MRPL42: variants seen among roughly 807,000 people sequenced by gnomAD.
MRPL42 encodes the protein large ribosomal subunit protein mL42.
MRPL42 carries 17 observed loss-of-function variants against 17.9 expected under a neutral mutation model. The observed-to-expected ratio is 0.95, with a 90% CI of 0.65 to 1.42. MRPL42 has a LOEUF of 1.42. Among genes scored for constraint, MRPL42 ranks in the 40% most tolerant of loss-of-function variants. The probability of loss-of-function intolerance (pLI) is 0.00; values close to 1 mark genes in which losing one functional copy is unlikely to be tolerated. For missense variants in MRPL42, 177 were observed against 175.2 expected (o/e 1.01, Z -0.06); for synonymous variants, 59 against 54.4 (o/e 1.08, Z -0.37).
chr12:93,500,818 A>G (rs796874815), intron 5 of MRPL42: 2 of 163,104 alleles, frequency 1.2e-5, no homozygotes, highest in African/African-American at 2.4e-5. Context: ...CAACTTAGCC[A>G]CGTGTGGTGG....
intron 2 of MRPL42, among the ~76,000 whole-genome samples, chr12:93,475,325 AG>A (rs758270680): frequency 3.9e-5 from 6 of 151,936 alleles, no homozygotes; most frequent in Non-Finnish European, 5.9e-5. Context: ...CATGTTGGCC[AG>A]GCTGGTCTTG....
intron 5 of MRPL42, among the ~76,000 whole-genome samples, chr12:93,499,634 C>T (rs1002329974): frequency 2.0e-5 from 3 of 152,086 alleles, no homozygotes; most frequent in South Asian, 4.1e-4. Flanking sequence ...TTTCTGTATG[C>T]CAACATAAGT....
Position 93,501,362 on chromosome 12 carries a change from A to G in MRPL42, c.*141A>G. On this transcript the variant is annotated 3_prime_UTR_variant, in exon 6 of 6. Coordinates refer to ENST00000549982, the MANE Select transcript of MRPL42 (RefSeq NM_014050.4). ...TATATTAGAATGTGTACTTTTATAT[A>G]AAGTAATTCTGGATTTGACATTCTC... 2.0e-6 allele frequency: 1 copy of G among 489,618 alleles called. No individual in the cohort carries two copies. The highest frequency in any genetic ancestry group is 3.4e-6 in the Non-Finnish European group (1 of 293,644). The allele number at this position is 489,618 out of a possible 1,614,324, so 30.3% of individuals were successfully genotyped here.
intron 5 of MRPL42, among the ~76,000 whole-genome samples, chr12:93,488,715 C>G (rs1022986509): frequency 1.3e-5 from 2 of 152,146 alleles, no homozygotes; most frequent in African/African-American, 4.8e-5. Context: ...TGCAAATACT[C>G]ACATTTTCCA....
Position 93,514,611 on chromosome 12 carries a change from A to C in MRPL42, c.*13390A>C, listed in dbSNP as rs1209668918. On this transcript the variant is annotated 3_prime_UTR_variant, in exon 6 of 6. Coordinates refer to ENST00000549982, the MANE Select transcript of MRPL42 (RefSeq NM_014050.4). ...TAATGGAAAGTGTTTCCTTATATTG[A>C]GTGGAAATCAGTCTGCTTATGGTTT... 1.3e-5 allele frequency: 2 copies of C among 152,112 alleles called. No individual in the cohort carries two copies. Among genetic ancestry groups the C allele is most frequent in the Admixed American group, 6.6e-5 (1 of 15,258 alleles). The allele number at this position is 152,112 out of a possible 1,614,324, so 9.4% of individuals were successfully genotyped here. A position where few individuals can be genotyped will look rare whatever the true frequency, so the allele number is the denominator to read the frequency against.
rs1953764270 is a variant in MRPL42 at position 93,514,809 on chromosome 12, G to A, written c.*13588G>A. The A allele has an allele frequency of 6.6e-6, 1 of 151,968 alleles. No individual in the cohort carries two copies. The highest frequency in any genetic ancestry group is 2.4e-5 in the African/African-American group (1 of 41,358). The allele number at this position is 151,968 out of a possible 1,614,324, so 9.4% of individuals were successfully genotyped here. On this transcript the variant is annotated 3_prime_UTR_variant, in exon 6 of 6. Transcript: ENST00000549982. ...CCTGATTGTCCTCCTTTAGACACATGCTTTTAATGATATATTTCTTAAAAT... is the reference window on the plus strand; with the variant it reads ...CCTGATTGTCCTCCTTTAGACACATACTTTTAATGATATATTTCTTAAAAT...
intron 5 of MRPL42, chr12:93,500,792 T>G (rs1953576382): frequency 6.5e-6 from 1 of 154,552 alleles, no homozygotes; most frequent in Non-Finnish European, 1.4e-5. Flanking sequence ...AAATGCTTAA[T>G]TTAATTAATA....
intron 2 of MRPL42, among the ~76,000 whole-genome samples, chr12:93,471,796 G>A (rs10859494): frequency 0.52 from 78,488 of 152,016 alleles, 20,340 homozygotes; most frequent in Non-Finnish European, 0.53. Context: ...CAACAAAACT[G>A]CAATCAGCTT....
chr12:93,513,550 C>T lies in MRPL42; in HGVS notation c.*12329C>T, dbSNP rs1953745790. On this transcript the variant is annotated 3_prime_UTR_variant, in exon 6 of 6. Transcript: ENST00000549982. Reference sequence around the variant, plus strand: ...AAAGTATATCTAATGGTCTAATAAACAGAATCACTACTTCAATTATAATCT... The same window carrying T: ...AAAGTATATCTAATGGTCTAATAAATAGAATCACTACTTCAATTATAATCT... 1.3e-5 allele frequency: 2 copies of T among 152,112 alleles called. No individual in the cohort carries two copies. Among genetic ancestry groups the T allele is most frequent in the South Asian group, 4.2e-4 (2 of 4,810 alleles). 9.4% of individuals were successfully genotyped at this position (152,112 alleles called of 1,614,324 possible).
rs1475836823 is a variant in MRPL42 at position 93,505,616 on chromosome 12, T to A, written c.*4395T>A. 1 of 152,234 alleles carries A rather than the reference T, an allele frequency of 6.6e-6. No homozygotes were observed. The highest frequency in any genetic ancestry group is 6.5e-5 in the Admixed American group (1 of 15,288). The allele number at this position is 152,234 out of a possible 1,614,324, so 9.4% of individuals were successfully genotyped here. ...CAGCCATCAGCCTCCTACTATTTTT[T>A]AATGTGCTGTTTAACCTTGTGAATG... On this transcript the variant is annotated 3_prime_UTR_variant, in exon 6 of 6. Coordinates refer to ENST00000549982, the MANE Select transcript of MRPL42 (RefSeq NM_014050.4).
intron 2 of MRPL42, among the ~76,000 whole-genome samples, chr12:93,475,414 C>T (rs537316114): frequency 2.1e-4 from 32 of 151,860 alleles, no homozygotes; most frequent in South Asian, 1.3e-3. Context: ...CTGCGCCTGG[C>T]GAATATTTGA....
chr12:93,492,824 C>T (rs1395571890), intron 5 of MRPL42, among the ~76,000 whole-genome samples: 3 of 151,496 alleles, frequency 2.0e-5, no homozygotes, highest in Non-Finnish European at 4.4e-5. Context: ...TTTTAATGTG[C>T]ACTACAATCA....
chr12:93,475,125 T>C (rs1194805611), intron 2 of MRPL42, among the ~76,000 whole-genome samples: 1 of 148,874 alleles, frequency 6.7e-6, no homozygotes, highest in East Asian at 2.0e-4. Context: ...TGTTTGACCT[T>C]TTTTTTTTTG....
In MRPL42 at chr12:93,508,324, G is replaced by A. The variant is rs950979896; in HGVS notation, c.*7103G>A. On this transcript the variant is annotated 3_prime_UTR_variant, in exon 6 of 6. Coordinates refer to ENST00000549982, the MANE Select transcript of MRPL42 (RefSeq NM_014050.4). ...TGCATGCCTGTAGTCCCAGCTATTT[G>A]GGAGGCTGAGATGGGAGGATTGCTT... The A allele has an allele frequency of 2.0e-5, 3 of 152,376 alleles. No homozygotes were observed. The highest frequency in any genetic ancestry group is 4.4e-5 in the Non-Finnish European group (3 of 68,194). The allele number at this position is 152,376 out of a possible 1,614,324, so 9.4% of individuals were successfully genotyped here.
chr12:93,476,893 A>G (rs1389900764), intron 2 of MRPL42, 61 bp from the exon 3 acceptor site: 148 of 1,466,738 alleles, frequency 1.0e-4, no homozygotes, highest in Non-Finnish European at 1.4e-4. Context: ...CTAGCTTTAA[A>G]TTTATGGAGA....
At chr12:93,479,849 A>G (rs1222521399) in intron 4 of MRPL42, among the ~76,000 whole-genome samples, 1 of 148,308 alleles carries the variant, frequency 6.7e-6, no homozygotes, top group African/African-American at 2.5e-5. Context: ...GATTACAGCT[A>G]CTTTTTTACT....
At chr12:93,487,865 C>T in intron 5 of MRPL42, 1 of 440,974 alleles carries the variant, frequency 2.3e-6, no homozygotes, top group South Asian at 3.4e-5. Flanking sequence ...GCCACAATCT[C>T]AGCTCACTGC....
chr12:93,496,943 A>C (rs971696877), intron 5 of MRPL42, among the ~76,000 whole-genome samples: 20 of 152,144 alleles, frequency 1.3e-4, no homozygotes, highest in Non-Finnish European at 2.6e-4. Flanking sequence ...TATTAGGAAC[A>C]CTTCAAGCAC....
intron 2 of MRPL42, among the ~76,000 whole-genome samples, chr12:93,475,465 A>G (rs973733495): frequency 6.6e-6 from 1 of 152,068 alleles, no homozygotes; most frequent in African/African-American, 2.4e-5. Flanking sequence ...TGGGGCTGGA[A>G]TTCCATACTG....
Sources: allele counts gnomAD v4.1 joint callset (sites outside exome capture counted in the v4.1 genomes callset), GRCh38; gene constraint gnomAD v4.1.1; transcripts MANE v1.5; gene names NCBI Gene and HGNC (gene_info 2026-07-23, HGNC 2026-07-21).